Variants in DDHD2 observed in about 807,000 individuals in gnomAD.
DDHD2 encodes the protein triacylglycerol hydrolase DDHD2.
Under a neutral mutation model 91.2 loss-of-function variants are expected in DDHD2, and 62 were observed. The ratio of observed to expected loss-of-function variants is 0.68; its 90% CI spans 0.55 to 0.84. The LOEUF is 0.84. Among genes scored for constraint, DDHD2 ranks in the 40% least tolerant of loss-of-function variants. The probability of loss-of-function intolerance (pLI) is 0.00; values close to 1 mark genes in which losing one functional copy is unlikely to be tolerated. For missense variants in DDHD2, 740 were observed against 846.9 expected, an observed-to-expected ratio of 0.87 and a Z score of 1.57; for synonymous variants, 271 against 293.9, an observed-to-expected ratio of 0.92 and a Z score of 0.80.
intron 1 of DDHD2, chr8:38,270,541 A>C (rs1174579004): frequency 6.6e-6 from 1 of 152,374 alleles, no homozygotes; most frequent in East Asian, 1.9e-4. Context: ...GACAAATGAG[A>C]TAAAATAATG....
chr8:38,242,333 G>C lies in DDHD2; in HGVS notation c.796G>C (p.Glu266Gln). 1 of 1,611,148 alleles carries C rather than the reference G, an allele frequency of 6.2e-7. No homozygotes were observed. The highest frequency in any genetic ancestry group is 8.5e-7 in the Non-Finnish European group (1 of 1,179,096). Residue 266 changes from glutamate (E) to glutamine (Q), a missense_variant, in exon 7 of 18, where the codon GAA becomes CAA. This residue lies in a region of DDHD2 where 693 missense variants were observed against 764.2 expected (regional missense o/e 0.91). Transcript: ENST00000397166. ...AQENQQIGRV[E>Q]FLPVNWHSPL... ...AGAAAATCAGCAGATTGGGAGGGTA[G>C]AATTTCTTCCAGTCAACTGGCACAG...
At position 38,246,384 on chromosome 8, in the gene DDHD2, T is replaced by C. The variant is rs568144300; in HGVS notation, c.1125+84T>C. The C allele has an allele frequency of 5.0e-6, 5 of 998,316 alleles. No homozygotes were observed. The African/African-American group carries it at 8.1e-5, about 16-fold the overall frequency. The allele number at this position is 998,316 out of a possible 1,614,324, so 61.8% of individuals were successfully genotyped here. A position where few individuals can be genotyped will look rare whatever the true frequency, so the allele number is the denominator to read the frequency against. On this transcript the variant is annotated intron_variant, in intron 9 of 17. Coordinates refer to ENST00000397166, the MANE Select transcript of DDHD2 (RefSeq NM_015214.3). ...TTTAGACTTATTTTTTGTTTTTAGC[T>C]GAGTTTAGTTTCATGTCATGACATT...
chr8:38,269,245 G>T (rs1808320485), intron 1 of DDHD2: 11 of 1,405,662 alleles, frequency 7.8e-6, no homozygotes, highest in Non-Finnish European at 9.2e-6. Flanking sequence ...GGCCACCTCC[G>T]CGGGGAGGGC....
intron 5 of DDHD2, chr8:38,238,505 G>T: frequency 9.0e-7 from 1 of 1,109,630 alleles, no homozygotes; most frequent in Admixed American, 4.9e-5. Flanking sequence ...CCACCTACTT[G>T]ACTAGAAATT....
At chr8:38,267,311 A>C (rs1807778680), downstream of DDHD2, 2 of 1,614,024 alleles carry the variant, frequency 1.2e-6, no homozygotes, top group South Asian at 1.1e-5. Flanking sequence ...CTCATTCACC[A>C]CGTCCTTATC....
At chr8:38,269,556 T>G in intron 1 of DDHD2, 1 of 285,118 alleles carries the variant, frequency 3.5e-6, no homozygotes, top group Non-Finnish European at 6.5e-6. Flanking sequence ...CAGATCCTCG[T>G]TCCTTAGCAA....
intron 16 of DDHD2, 127 bp from the exon 17 acceptor site, chr8:38,259,913 C>G (rs1310688304): frequency 1.6e-6 from 1 of 645,098 alleles, no homozygotes; most frequent in Non-Finnish European, 2.7e-6. Context: ...ACTTCTGAAT[C>G]TCATTTCTTT....
Position 38,261,412 on chromosome 8 carries a change from A to G in DDHD2, c.*839A>G, listed in dbSNP as rs1489347893. 1 of 152,372 alleles carries G rather than the reference A, an allele frequency of 6.6e-6. No homozygotes were observed. Among genetic ancestry groups the G allele is most frequent in the East Asian group, 1.9e-4 (1 of 5,194 alleles). 9.4% of individuals were successfully genotyped at this position (152,372 alleles called of 1,614,324 possible). A position where few individuals can be genotyped will look rare whatever the true frequency, so the allele number is the denominator to read the frequency against. On this transcript the variant is annotated 3_prime_UTR_variant, in exon 18 of 18. Transcript: ENST00000397166. ...AAAGCTGATGAACCTGAAATTGTGT[A>G]GCCTCTACAGGCTGCTGAGGTTCTA...
rs748280676 is a variant in DDHD2, at chr8:38,252,967, G to C, written c.1731G>C (p.Glu577Asp). The change falls in exon 15 of 18, where the codon GAG (glutamate) becomes GAC (aspartate). Residue 577 changes from glutamate to aspartate, a missense_variant. Transcript: ENST00000397166. The part of the protein sequence containing the change: ...GRKRMHLELR[E>D]GLTRMSMDLK... ...ATTTATATGTTTCAGAACTGAGAGA[G>C]GGCTTGACCAGGATGAGTATGGACC... 1.2e-6 allele frequency: 2 copies of C among 1,613,888 alleles called. No homozygotes were observed. The highest frequency in any genetic ancestry group is 2.2e-5 in the South Asian group (2 of 91,046).
intron 17 of DDHD2, 70 bp downstream of exon 17, chr8:38,260,217 C>T: frequency 2.3e-6 from 2 of 851,332 alleles, no homozygotes; most frequent in Non-Finnish European, 3.7e-6. Flanking sequence ...ACTATGGAGC[C>T]TCAAGCTCTT....
At chr8:38,269,084 G>C (rs1808260848) in intron 1 of DDHD2, 1 of 1,528,382 alleles carries the variant, frequency 6.5e-7, no homozygotes, top group Non-Finnish European at 8.8e-7. Context: ...CCGCCTGCCT[G>C]GGAAGCGGGG....
intron 5 of DDHD2, chr8:38,238,527 A>G: frequency 9.2e-7 from 1 of 1,087,518 alleles, no homozygotes; most frequent in Non-Finnish European, 1.1e-6. Flanking sequence ...ATACCTGGTA[A>G]TAACTCCTTG....
chr8:38,235,739 G>A (rs1353822908), intron 3 of DDHD2, among the ~76,000 whole-genome samples: 2 of 148,734 alleles, frequency 1.3e-5, no homozygotes, highest in Admixed American at 6.7e-5. Flanking sequence ...AAAAAAAACT[G>A]GTGGGCACAG....
intron 9 of DDHD2, among the ~76,000 whole-genome samples, chr8:38,246,513 A>G (rs1805646526): frequency 6.6e-6 from 1 of 152,210 alleles, no homozygotes; most frequent in African/African-American, 2.4e-5. Flanking sequence ...TAATTGTTAT[A>G]TTCTAAACCA....
chr8:38,264,718 A>T, downstream of DDHD2: 1 of 1,436,186 alleles, frequency 7.0e-7, no homozygotes, highest in East Asian at 2.5e-5. Context: ...GGCTAAAATA[A>T]CCTCAATTCC....
intron 16 of DDHD2, among the ~76,000 whole-genome samples, chr8:38,257,312 G>A (rs957887118): frequency 7.5e-6 from 1 of 132,840 alleles, no homozygotes; most frequent in Non-Finnish European, 1.5e-5. Flanking sequence ...GCTGTGGCAC[G>A]ATCTTGGCTC....
chr8:38,254,774 G>A (rs1806378669), intron 16 of DDHD2, among the ~76,000 whole-genome samples: 1 of 151,996 alleles, frequency 6.6e-6, no homozygotes, highest in African/African-American at 2.4e-5. Context: ...TATAATCCCA[G>A]CACTTTGGGA....
intron 6 of DDHD2, 161 bp from the exon 7 acceptor site, chr8:38,242,089 A>G (rs1472945569): frequency 3.4e-6 from 2 of 583,604 alleles, no homozygotes; most frequent in South Asian, 2.5e-5. Flanking sequence ...ATCTTTTCCT[A>G]TATGCATTCA....
downstream of DDHD2, chr8:38,265,011 G>T: frequency 8.7e-7 from 1 of 1,150,880 alleles, no homozygotes; most frequent in Non-Finnish European, 1.3e-6. Context: ...ACTCACGCCT[G>T]TAATCCCAGC....
Sources: allele counts gnomAD v4.1 joint callset (sites outside exome capture counted in the v4.1 genomes callset), GRCh38; gene constraint gnomAD v4.1.1; regional missense constraint gnomAD v4.1.1; transcripts MANE v1.5; gene names NCBI Gene and HGNC (gene_info 2026-07-23, HGNC 2026-07-21).